FCGR2B: variants seen among roughly 807,000 people sequenced by gnomAD.
FCGR2B encodes Fc gamma receptor IIb.
FCGR2B carries 18 observed loss-of-function variants against 24.8 expected under a neutral mutation model. That is an observed-to-expected ratio of 0.73 (90% CI 0.50 to 1.08). The LOEUF is 1.08. Ranked by LOEUF, FCGR2B falls within the 50% of genes least tolerant of loss-of-function variation. The pLI is 0.00. For synonymous variants in FCGR2B, 79 were observed against 109.8 expected (o/e 0.72, Z 1.75); for missense variants, 215 against 297.6 (o/e 0.72, Z 2.04).
chr1:161,671,916 G>A (rs1005050037), intron 3 of FCGR2B: 2 of 594,790 alleles, frequency 3.4e-6, no homozygotes, highest in Non-Finnish European at 5.8e-6. Context: ...TGGCAGAATT[G>A]AAAAGCACAG....
At chr1:161,668,632 C>T (rs972001626) in intron 1 of FCGR2B, among the ~76,000 whole-genome samples, 4 of 64,340 alleles carry the variant, frequency 6.2e-5, no homozygotes, top group African/African-American at 1.7e-4. Context: ...AGGGACTTAA[C>T]GTTCTTTTCC....
the FCGR2B span, among the ~76,000 whole-genome samples, chr1:161,655,262 A>G: frequency 6.6e-6 from 1 of 150,426 alleles, no homozygotes; most frequent in African/African-American, 2.4e-5. Context: ...TTTTCACCAA[A>G]GCCTGATACT....
At position 161,677,859 on chromosome 1, in the gene FCGR2B, G is replaced by T. The variant is rs1682275918; in HGVS notation, c.*306G>T. 2.9e-6 allele frequency: 1 copy of T among 343,518 alleles called. No homozygotes were observed. Among genetic ancestry groups the T allele is most frequent in the Non-Finnish European group, 5.2e-6 (1 of 191,454 alleles). The allele number at this position is 343,518 out of a possible 1,614,324, so 21.3% of individuals were successfully genotyped here. A position where few individuals can be genotyped will look rare whatever the true frequency, so the allele number is the denominator to read the frequency against. On this transcript the variant is annotated 3_prime_UTR_variant, in exon 8 of 8. Transcript: ENST00000358671. ...GTTATTAACAGATAATAGCAACTTG[G>T]GAAATGCTTATGTTACAGGTTACGT... is the stretch of plus-strand genomic sequence containing the variant.
chr1:161,677,481 G>A lies in FCGR2B; in HGVS notation c.861G>A (p.Glu287=), dbSNP rs1240895640. 6.2e-7 allele frequency: 1 copy of A among 1,613,806 alleles called. No individual in the cohort carries two copies. The highest frequency in any genetic ancestry group is 8.5e-7 in the Non-Finnish European group (1 of 1,179,826). Residue 287 remains glutamate (E), a synonymous_variant, in exon 8 of 8, where the codon GAG becomes GAA. Transcript: ENST00000358671. ...NPDEADKVGA[E]NTITYSLLMH... is the part of the protein sequence containing the mutation. ...CTGGTTTCTGCCTTCTCTAGGCTGA[G>A]AACACAATCACCTATTCACTTCTCA...
upstream of FCGR2B, among the ~76,000 whole-genome samples, chr1:161,661,248 A>AAGAAAGAC (rs1681061066): frequency 4.4e-5 from 2 of 45,312 alleles, 1 homozygote; most frequent in African/African-American, 1.6e-4. Flanking sequence ...GAAAGAAAGA[A>AAGAAAGAC]AGAAAGAAAG....
the FCGR2B span, among the ~76,000 whole-genome samples, chr1:161,648,391 T>C: frequency 2.7e-5 from 4 of 147,290 alleles, 1 homozygote; most frequent in South Asian, 8.8e-4. Flanking sequence ...ATCATGGTCT[T>C]GTTAATCTTT....
At position 161,671,473 on chromosome 1, in the gene FCGR2B, G is replaced by T; in HGVS notation, c.215G>T (p.Arg72Leu). ...GAGGACTCTGTGACTCTGACATGCC[G>T]GGGGACTCACAGCCCTGAGAGCGAC... ...LQEDSVTLTC[R>L]GTHSPESDSI... Residue 72 changes from arginine to leucine, a missense_variant, in exon 3 of 8, where the codon CGG becomes CTG. By Grantham distance (102) the Arg-to-Leu change is moderately radical (BLOSUM62 -2). Transcript: ENST00000358671. 6.2e-7 allele frequency: 1 copy of T among 1,614,176 alleles called. No individual in the cohort carries two copies. The highest frequency in any genetic ancestry group is 8.5e-7 in the Non-Finnish European group (1 of 1,180,040).
At position 161,671,518 on chromosome 1, in the gene FCGR2B, A is replaced by T. The variant is rs772566070; in HGVS notation, c.260A>T (p.Asn87Ile). 1 of 1,614,222 alleles carries T rather than the reference A, an allele frequency of 6.2e-7. No individual in the cohort carries two copies. The highest frequency in any genetic ancestry group is 8.5e-7 in the Non-Finnish European group (1 of 1,180,042). ...PESDSIQWFH[N>I]GNLIPTHTQP... ...AGCGACTCCATTCAGTGGTTCCACA[A>T]TGGGAATCTCATTCCCACCCACACG... Residue 87 changes from asparagine (N) to isoleucine (I), a missense_variant, in exon 3 of 8, where the codon AAT becomes ATT. Coordinates refer to ENST00000358671, the MANE Select transcript of FCGR2B (RefSeq NM_001394477.1).
intron 6 of FCGR2B, 72 bp from the exon 7 acceptor site, chr1:161,677,256 G>A (rs1682226907): frequency 1.1e-5 from 16 of 1,503,710 alleles, no homozygotes; most frequent in Admixed American, 5.1e-5. Context: ...TGGTTTTGCA[G>A]CCTCAGCATC....
chr1:161,676,411 C>G (rs932987791), intron 6 of FCGR2B: 2 of 182,728 alleles, frequency 1.1e-5, no homozygotes, highest in African/African-American at 2.4e-5. Flanking sequence ...GTCCAAGCAA[C>G]TGGATTATCC....
At position 161,671,392 on chromosome 1, in the gene FCGR2B, C is replaced by T; in HGVS notation, c.134C>T (p.Ala45Val). 3 of 1,614,164 alleles carry T rather than the reference C, an allele frequency of 1.9e-6. No homozygotes were observed. The highest frequency in any genetic ancestry group is 1.7e-6 in the Non-Finnish European group (2 of 1,180,036). ...GCTACCTCCTCTCTCTGCCCCTCAG[C>T]AGCTCCCCCAAAGGCTGTGCTGAAA... is the stretch of plus-strand genomic sequence containing the variant. The part of the protein sequence containing the change: ...LFLAPVAGTP[A>V]APPKAVLKLE... The change falls in exon 3 of 8, where the codon GCA becomes GTA. Residue 45 changes from alanine to valine, a missense_variant and splice_region_variant. Physicochemically the swap from Ala to Val is moderately conservative, Grantham distance 64 (BLOSUM62 0). This residue lies in a region of FCGR2B where 77 missense variants were observed against 68.8 expected (regional missense o/e 1.12). Coordinates refer to ENST00000358671, the MANE Select transcript of FCGR2B (RefSeq NM_001394477.1).
intron 3 of FCGR2B, chr1:161,672,201 GC>G (rs1428473268): frequency 6.4e-6 from 1 of 156,348 alleles, no homozygotes; most frequent in Non-Finnish European, 1.4e-5. Flanking sequence ...TGTATTTCCA[GC>G]ATCTGAAACT....
rs1681260788 is a variant in FCGR2B, at chr1:161,664,480, C to T, written c.112+1127C>T. Among the ~76,000 whole-genome samples the T allele has an allele frequency of 2.9e-5, 3 of 104,724 alleles. No individual in the cohort carries two copies. In the East Asian group the frequency reaches 8.3e-4, roughly 29 times the overall value. The allele number at this position is 104,724 out of a possible 152,430, so 68.7% of individuals were successfully genotyped here. A position where few individuals can be genotyped will look rare whatever the true frequency, so the allele number is the denominator to read the frequency against. ...CTTCTCTACCACCTGGGCAAGACTC[C>T]TGGGAAAGATCTTTGGTATTTTTTC... On this transcript the variant is annotated intron_variant, in intron 1 of 7. Coordinates refer to ENST00000358671, the MANE Select transcript of FCGR2B (RefSeq NM_001394477.1).
Position 161,673,206 on chromosome 1 carries a change from A to C in FCGR2B, c.623A>C (p.Lys208Thr). The C allele has an allele frequency of 6.2e-7, 1 of 1,606,362 alleles. No homozygotes were observed. The highest frequency in any genetic ancestry group is 8.5e-7 in the Non-Finnish European group (1 of 1,176,606). The change falls in exon 4 of 8, where the codon AAG becomes ACG. Residue 208 changes from lysine (K) to threonine (T), a missense_variant. Lys to Thr is a moderately conservative substitution (Grantham distance 78). Around this residue, in one of 5 missense-constraint regions of FCGR2B, gnomAD observed 16 missense variants for 46.6 expected, o/e 0.34. Coordinates refer to ENST00000358671, the MANE Select transcript of FCGR2B (RefSeq NM_001394477.1). ...ATAGGCTACACGCTGTACTCATCCAAGCCTGTGACCATCACTGTCCAAGGT... is the reference window on the plus strand; with the variant it reads ...ATAGGCTACACGCTGTACTCATCCACGCCTGTGACCATCACTGTCCAAGGT... ...GNIGYTLYSS[K>T]PVTITVQAPS... is the part of the protein sequence containing the mutation.
At chr1:161,671,070 T>G (rs1396582728) in intron 2 of FCGR2B, among the ~76,000 whole-genome samples, 4 of 152,098 alleles carry the variant, frequency 2.6e-5, no homozygotes, top group African/African-American at 4.8e-5. Flanking sequence ...TGTGTGTCTG[T>G]GCTGGTGGGG....
the FCGR2B span, among the ~76,000 whole-genome samples, chr1:161,648,743 A>G: frequency 1.1e-4 from 17 of 150,700 alleles, 2 homozygotes; most frequent in Middle Eastern, 6.9e-3. Flanking sequence ...AGGCTGGAGT[A>G]CAGTGGCGCA....
At chr1:161,649,646 C>G in the FCGR2B span, among the ~76,000 whole-genome samples, 1 of 150,420 alleles carries the variant, frequency 6.6e-6, no homozygotes, top group South Asian at 2.1e-4. Flanking sequence ...ACGGAAGCTA[C>G]CATCTAAGAA....
rs1295112619 is a variant in FCGR2B, at chr1:161,677,961, T to C, written c.*408T>C. On this transcript the variant is annotated 3_prime_UTR_variant, in exon 8 of 8. Coordinates refer to ENST00000358671, the MANE Select transcript of FCGR2B (RefSeq NM_001394477.1). ...CCTCTACCAGCACATTAAAAGTGAT[T>C]GTTTCTGGGTGATAAAATTATTGAT... is the stretch of plus-strand genomic sequence containing the variant. 2 of 231,728 alleles carry C rather than the reference T, an allele frequency of 8.6e-6. No individual in the cohort carries two copies. The highest frequency in any genetic ancestry group is 1.7e-5 in the Non-Finnish European group (2 of 117,698). 14.4% of individuals were successfully genotyped at this position (231,728 alleles called of 1,614,324 possible).
Position 161,677,403 on chromosome 1 carries a change from T to G in FCGR2B, c.855+38T>G, listed in dbSNP as rs369721471. 39 of 1,612,258 alleles carry G rather than the reference T, an allele frequency of 2.4e-5. No individual in the cohort carries two copies. In the African/African-American group the frequency reaches 3.2e-4, roughly 13 times the overall value. On this transcript the variant is annotated intron_variant, in intron 7 of 7. Coordinates refer to ENST00000358671, the MANE Select transcript of FCGR2B (RefSeq NM_001394477.1). ...AGCCATCTCCCCCTCCCTTCTCCCC[T>G]GTTGCCTTTTCTGTTGCCTTCTTTC...
Sources: allele counts gnomAD v4.1 joint callset (sites outside exome capture counted in the v4.1 genomes callset), GRCh38; gene constraint gnomAD v4.1.1; regional missense constraint gnomAD v4.1.1; transcripts MANE v1.5; gene names NCBI Gene and HGNC (gene_info 2026-07-23, HGNC 2026-07-21).